The following APLP2 variants were observed in gnomAD, a reference collection of about 807,000 sequenced individuals.
APLP2 encodes CDEI box-binding protein.
A neutral mutation model predicts 89.9 loss-of-function variants in APLP2; 53 were observed. The ratio of observed to expected loss-of-function variants is 0.59; its 90% confidence interval spans 0.47 to 0.74. The LOEUF is 0.74. Ranked by LOEUF, APLP2 falls within the 30% of genes least tolerant of loss-of-function variation. The pLI, the probability that APLP2 is intolerant of heterozygous loss-of-function variation, is 0.00. For synonymous variants in APLP2, 372 were observed against 348.6 expected, an observed-to-expected ratio of 1.07 and a Z score of -0.75; for missense variants, 973 against 975.9, an observed-to-expected ratio of 1.00 and a Z score of 0.04.
At chr11:130,128,638 G>T (rs1950619653) in intron 9 of APLP2, among the ~76,000 whole-genome samples, 1 of 152,192 alleles carries the variant, frequency 6.6e-6, no homozygotes, top group Non-Finnish European at 1.5e-5. Flanking sequence ...CTAATGACAG[G>T]AATACTTCAA....
intron 1 of APLP2, among the ~76,000 whole-genome samples, chr11:130,101,688 A>C (rs1206022141): frequency 1.3e-5 from 2 of 152,222 alleles, no homozygotes; most frequent in Admixed American, 6.5e-5. Context: ...CTTTAAAAAA[A>C]GTTGCAAAAA....
chr11:130,088,030 T>G (rs1411669472), intron 1 of APLP2, among the ~76,000 whole-genome samples: 14 of 152,222 alleles, frequency 9.2e-5, no homozygotes, highest in Non-Finnish European at 8.8e-5. Flanking sequence ...CCTGATAAGC[T>G]CCCAGCCAAA....
At chr11:130,137,395 A>G in intron 13 of APLP2, 1 of 1,091,514 alleles carries the variant, frequency 9.2e-7, no homozygotes, top group East Asian at 2.4e-5. Context: ...GGCTTTCCCC[A>G]CCTCATTCCT....
Position 130,120,818 on chromosome 11 carries a change from G to T in APLP2, c.516G>T (p.Glu172Asp). 6.2e-7 allele frequency: 1 copy of T among 1,610,408 alleles called. No individual in the cohort carries two copies. Among genetic ancestry groups the T allele is most frequent in the Non-Finnish European group, 8.5e-7 (1 of 1,176,946 alleles). The stretch of plus-strand genomic sequence containing the variant: ...AGCACTGGCACACGGTAGTCAAAGA[G>T]GTAAGAGAACTCGGGGGGAAAGTCA... The part of the protein sequence containing the change: ...NHQHWHTVVK[E>D]ACLTQGMTLY... Residue 172 changes from glutamate (E) to aspartate (D), a missense_variant and splice_region_variant, in exon 4 of 17, where the codon GAG becomes GAT. Transcript: ENST00000338167.
intron 1 of APLP2, among the ~76,000 whole-genome samples, chr11:130,091,888 G>T (rs1219444261): frequency 2.4e-3 from 331 of 140,450 alleles, no homozygotes; most frequent in African/African-American, 9.6e-3. Context: ...TCCCAGATGG[G>T]GTGGCTGCCG....
chr11:130,102,722 A>G (rs1947112069), intron 1 of APLP2, among the ~76,000 whole-genome samples: 1 of 152,182 alleles, frequency 6.6e-6, no homozygotes, highest in Non-Finnish European at 1.5e-5. Flanking sequence ...GTTGAGACTT[A>G]GATTTATTTA....
chr11:130,124,553 A>C (rs961826448), intron 7 of APLP2, among the ~76,000 whole-genome samples: 1 of 152,196 alleles, frequency 6.6e-6, no homozygotes, highest in Non-Finnish European at 1.5e-5. Context: ...TTGCAGCACT[A>C]ACCTACACAT....
intron 1 of APLP2, chr11:130,100,206 G>A (rs1486182260): frequency 2.0e-5 from 3 of 152,218 alleles, no homozygotes; most frequent in Non-Finnish European, 4.4e-5. Flanking sequence ...AGTGATGGAG[G>A]TGGAACTCTG....
chr11:130,101,411 C>G (rs1473112145), intron 1 of APLP2: 1 of 151,990 alleles, frequency 6.6e-6, no homozygotes, highest in Non-Finnish European at 1.5e-5. Context: ...TGGTCTCGGT[C>G]TCCTGACCTC....
intron 7 of APLP2, among the ~76,000 whole-genome samples, chr11:130,124,434 C>G (rs923455156): frequency 5.9e-5 from 9 of 152,114 alleles, no homozygotes; most frequent in African/African-American, 1.9e-4. Context: ...GTCAGTGGTT[C>G]AGTTGAGTTG....
intron 13 of APLP2, chr11:130,139,053 T>C (rs1253613422): frequency 6.6e-6 from 1 of 152,198 alleles, no homozygotes; most frequent in Non-Finnish European, 1.5e-5. Context: ...GCTGAGGCAA[T>C]ACCCTTCCAG....
intron 5 of APLP2, 134 bp downstream of exon 5, chr11:130,121,944 T>G: frequency 7.3e-7 from 1 of 1,366,294 alleles, no homozygotes; most frequent in Non-Finnish European, 9.9e-7. Flanking sequence ...TTGATTAAGC[T>G]TGCATTTCAT....
intron 11 of APLP2, among the ~76,000 whole-genome samples, chr11:130,132,491 A>G (rs2136060133): frequency 6.6e-6 from 1 of 152,262 alleles, no homozygotes; most frequent in South Asian, 2.1e-4. Context: ...TAGCTTGAAA[A>G]GCTTGTGGGA....
Position 130,140,427 on chromosome 11 carries a change from C to G in APLP2, c.1867C>G (p.Leu623Val). The stretch of plus-strand genomic sequence containing the variant: ...TGGAGTGGGAGAGCAGGATGGGGGA[C>G]TGATCGGTGCCGAAGAGAAAGTGAT... ...GSGVGEQDGG[L>V]IGAEEKVINS... Residue 623 changes from leucine to valine, a missense_variant, in exon 14 of 17, where the codon CTG becomes GTG. Leu to Val is a conservative substitution (Grantham distance 32). Transcript: ENST00000338167. 6.2e-7 allele frequency: 1 copy of G among 1,611,318 alleles called. No homozygotes were observed. Among genetic ancestry groups the G allele is most frequent in the Non-Finnish European group, 8.5e-7 (1 of 1,178,938 alleles).
intron 3 of APLP2, among the ~76,000 whole-genome samples, chr11:130,115,313 G>T (rs370228395): frequency 1.3e-5 from 2 of 152,120 alleles, no homozygotes; most frequent in Non-Finnish European, 2.9e-5. Flanking sequence ...TCATGTCAGG[G>T]TATGTAGTAG....
At chr11:130,076,552 C>CAATCAGAGAGAAGGCTGCCAGCACCAGAT (rs1591755049) in intron 1 of APLP2, among the ~76,000 whole-genome samples, 1 of 152,286 alleles carries the variant, frequency 6.6e-6, no homozygotes, top group East Asian at 1.9e-4. Flanking sequence ...ACCAGATACT[C>CAATCAGAGAGAAGGCTGCCAGCACCAGAT]AATCAGTGGC....
intron 1 of APLP2, among the ~76,000 whole-genome samples, chr11:130,106,524 C>A (rs1375080651): frequency 1.3e-5 from 2 of 152,164 alleles, no homozygotes; most frequent in Non-Finnish European, 2.9e-5. Flanking sequence ...GTGGTAAGGA[C>A]TGAAGTCCTT....
At chr11:130,080,790 G>A (rs1393922032) in intron 1 of APLP2, among the ~76,000 whole-genome samples, 6 of 148,760 alleles carry the variant, frequency 4.0e-5, no homozygotes, top group Admixed American at 2.0e-4. Flanking sequence ...TCCGCCTCCC[G>A]GGTTCACGCC....
intron 1 of APLP2, chr11:130,109,192 A>T (rs1472785149): frequency 7.2e-6 from 2 of 276,324 alleles, no homozygotes; most frequent in East Asian, 1.4e-4. Context: ...AGAACTTAAA[A>T]TATAATAAAT....
Sources: allele counts gnomAD v4.1 joint callset (sites outside exome capture counted in the v4.1 genomes callset), GRCh38; gene constraint gnomAD v4.1.1; transcripts MANE v1.5; gene names NCBI Gene and HGNC (gene_info 2026-07-23, HGNC 2026-07-21).